SLC39A9: variants seen among roughly 807,000 people sequenced by gnomAD.
SLC39A9 encodes the protein solute carrier family 39 member 9.
In SLC39A9, 14 loss-of-function variants were observed where a neutral mutation model predicts 28.4. The observed-to-expected ratio is 0.49, with a 90% confidence interval of 0.33 to 0.77. The LOEUF is 0.77. Ranked by LOEUF, SLC39A9 falls within the 30% of genes least tolerant of loss-of-function variation. The pLI, the probability that SLC39A9 is intolerant of heterozygous loss-of-function variation, is 0.02. For synonymous variants in SLC39A9, 119 were observed against 149.6 expected, an observed-to-expected ratio of 0.80 and a Z score of 1.49; for missense variants, 283 against 381.1, an observed-to-expected ratio of 0.74 and a Z score of 2.14.
Position 69,399,478 on chromosome 14 carries a change from C to T in SLC39A9, c.96+13C>T, listed in dbSNP as rs1319595030. 2.5e-6 allele frequency: 4 copies of T among 1,609,158 alleles called. No homozygotes were observed. The highest frequency in any genetic ancestry group is 3.4e-6 in the Non-Finnish European group (4 of 1,175,870). ...TAATTTCTCAGAGGTAAGAAATTCT[C>T]AATTTTCTGTCAGCTGTCAGGATGG... On this transcript the variant is annotated intron_variant, in intron 1 of 6. Coordinates refer to ENST00000336643, the MANE Select transcript of SLC39A9 (RefSeq NM_018375.5).
Position 69,399,941 on chromosome 14 carries a change from T to C in SLC39A9, c.96+476T>C, listed in dbSNP as rs181351868. On this transcript the variant is annotated intron_variant, in intron 1 of 6. Transcript: ENST00000336643. Reference sequence around the variant, plus strand: ...ACCAGCCTGGGCAACGTGGCGGGACTTTGTCCCTACAAATGAGGCTGAGGC... The same window carrying C: ...ACCAGCCTGGGCAACGTGGCGGGACCTTGTCCCTACAAATGAGGCTGAGGC... 3.0e-3 allele frequency among the ~76,000 whole-genome samples: 463 copies of C among 152,152 alleles called. 4 individuals carry two copies. The highest frequency in any genetic ancestry group is 0.011 in the African/African-American group (451 of 41,518).
At chr14:69,442,910 G>T (rs989632079) in intron 3 of SLC39A9, among the ~76,000 whole-genome samples, 3 of 152,144 alleles carry the variant, frequency 2.0e-5, no homozygotes, top group African/African-American at 7.2e-5. Flanking sequence ...GGTTATTGGT[G>T]TAGAAAATCT....
intron 3 of SLC39A9, among the ~76,000 whole-genome samples, chr14:69,443,076 A>T (rs967582968): frequency 7.2e-5 from 11 of 152,170 alleles, no homozygotes; most frequent in Admixed American, 3.3e-4. Flanking sequence ...AGATCAATGA[A>T]TTTATCTTTG....
Position 69,461,570 on chromosome 14 carries a change from T to C in SLC39A9, c.*2977T>C. On this transcript the variant is annotated 3_prime_UTR_variant, in exon 7 of 7. Coordinates refer to ENST00000336643, the MANE Select transcript of SLC39A9 (RefSeq NM_018375.5). ...AGCCCTGTTCTGGTATTTTGAATCA[T>C]TAGAGAAAAGAAAGGGAGTGGCTGT... The C allele has an allele frequency of 4.0e-6, 6 of 1,497,178 alleles. No individual in the cohort carries two copies. The highest frequency in any genetic ancestry group is 5.3e-6 in the Non-Finnish European group (6 of 1,127,662). The allele number at this position is 1,497,178 out of a possible 1,614,324, so 92.7% of individuals were successfully genotyped here. A position where few individuals can be genotyped will look rare whatever the true frequency, so the allele number is the denominator to read the frequency against.
intron 4 of SLC39A9, among the ~76,000 whole-genome samples, chr14:69,453,898 CT>C (rs1239664045): frequency 6.6e-6 from 1 of 152,224 alleles, no homozygotes; most frequent in Non-Finnish European, 1.5e-5. Context: ...CAAATATTTA[CT>C]GTCTAGCTCT....
intron 2 of SLC39A9, among the ~76,000 whole-genome samples, chr14:69,437,218 C>T (rs1224610990): frequency 6.6e-6 from 1 of 152,060 alleles, no homozygotes; most frequent in Non-Finnish European, 1.5e-5. Flanking sequence ...TTTTAACTGC[C>T]TTTGTTGCCA....
intron 1 of SLC39A9, among the ~76,000 whole-genome samples, chr14:69,410,113 T>G (rs1448034690): frequency 6.6e-6 from 1 of 152,232 alleles, no homozygotes; most frequent in Non-Finnish European, 1.5e-5. Flanking sequence ...GATTTATATT[T>G]ATTTCTTTTA....
In SLC39A9 at chr14:69,399,250, C is replaced by A. The variant is rs1882485555; in HGVS notation, c.-120C>A. ...TGAACACATCTGCTGGTGGGAAGGC[C>A]TAAAGAACTGGAAAGCCCACTCTCT... On this transcript the variant is annotated 5_prime_UTR_variant, in exon 1 of 7. Coordinates refer to ENST00000336643, the MANE Select transcript of SLC39A9 (RefSeq NM_018375.5). The A allele has an allele frequency of 3.6e-6, 3 of 831,600 alleles. No individual in the cohort carries two copies. The highest frequency in any genetic ancestry group is 4.8e-5 in the Admixed American group (2 of 41,552). The allele number at this position is 831,600 out of a possible 1,614,324, so 51.5% of individuals were successfully genotyped here. A position where few individuals can be genotyped will look rare whatever the true frequency, so the allele number is the denominator to read the frequency against.
chr14:69,427,358 CTT>C (rs1209499191), intron 2 of SLC39A9, among the ~76,000 whole-genome samples: 1 of 152,118 alleles, frequency 6.6e-6, no homozygotes, highest in Non-Finnish European at 1.5e-5. Context: ...TTATAAGTCT[CTT>C]CTGAAAATAA....
Position 69,461,082 on chromosome 14 carries a change from T to A in SLC39A9, c.*2489T>A. 1 of 986,520 alleles carries A rather than the reference T, an allele frequency of 1.0e-6. No homozygotes were observed. The highest frequency in any genetic ancestry group is 1.2e-6 in the Non-Finnish European group (1 of 830,714). The allele number at this position is 986,520 out of a possible 1,614,324, so 61.1% of individuals were successfully genotyped here. On this transcript the variant is annotated 3_prime_UTR_variant, in exon 7 of 7. Transcript: ENST00000336643. ...TCTTTAGATGTGGATGCCTTAATGC[T>A]GTAACACATTTGAAAACATTGGCAA...
At chr14:69,443,206 A>T (rs1885129415) in intron 3 of SLC39A9, among the ~76,000 whole-genome samples, 1 of 152,356 alleles carries the variant, frequency 6.6e-6, no homozygotes, top group East Asian at 1.9e-4. Context: ...CCAGGGATTG[A>T]TGTGTAGACA....
chr14:69,441,919 G>A (rs909144562), intron 2 of SLC39A9, 150 bp from the exon 3 acceptor site: 37 of 1,412,198 alleles, frequency 2.6e-5, no homozygotes, highest in Non-Finnish European at 3.3e-5. Flanking sequence ...TTAAGTTGAA[G>A]GAGTTAATGA....
intron 4 of SLC39A9, among the ~76,000 whole-genome samples, chr14:69,453,522 TAAAA>T (rs760553500): frequency 4.6e-4 from 67 of 146,348 alleles, no homozygotes; most frequent in Non-Finnish European, 8.5e-4. Context: ...TTTAATGGTT[TAAAA>T]AAAAAAAGAG....
intron 3 of SLC39A9, among the ~76,000 whole-genome samples, chr14:69,449,146 C>T (rs1200205815): frequency 6.6e-6 from 1 of 151,966 alleles, no homozygotes; most frequent in African/African-American, 2.4e-5. Flanking sequence ...AAATTTTTTT[C>T]CATAGAGTTA....
At chr14:69,429,998 G>A (rs1347886336) in intron 2 of SLC39A9, among the ~76,000 whole-genome samples, 1 of 152,116 alleles carries the variant, frequency 6.6e-6, no homozygotes, top group African/African-American at 2.4e-5. Flanking sequence ...AATTGCCATT[G>A]TTATAGCTTC....
Position 69,437,003 on chromosome 14 carries a change from G to GACT in SLC39A9, c.206-5063_206-5061dup, listed in dbSNP as rs533372755. On this transcript the variant is annotated intron_variant, in intron 2 of 6. Coordinates refer to ENST00000336643, the MANE Select transcript of SLC39A9 (RefSeq NM_018375.5). ...CTGCCTCAGCCTCCCGAGTAGCTGGGACTACAGGTGCCTGCCACCACACCC... is the reference window on the plus strand; with the variant it reads ...CTGCCTCAGCCTCCCGAGTAGCTGGGACTACTACAGGTGCCTGCCACCACACCC... 2.1e-3 allele frequency among the ~76,000 whole-genome samples: 318 copies of GACT among 152,270 alleles called. 2 individuals carry two copies. Among genetic ancestry groups the GACT allele is most frequent in the African/African-American group, 7.4e-3 (306 of 41,558 alleles).
At chr14:69,412,470 A>G (rs1883329578) in intron 1 of SLC39A9, among the ~76,000 whole-genome samples, 1 of 152,150 alleles carries the variant, frequency 6.6e-6, no homozygotes, top group Non-Finnish European at 1.5e-5. Context: ...GAAACTATCA[A>G]TTCTGAATCA....
rs528383263 is a variant in SLC39A9 at position 69,459,372 on chromosome 14, T to C, written c.*779T>C. The C allele has an allele frequency of 2.0e-6, 2 of 985,386 alleles. No homozygotes were observed. The highest frequency in any genetic ancestry group is 9.4e-5 in the South Asian group (2 of 21,286). The allele number at this position is 985,386 out of a possible 1,614,324, so 61.0% of individuals were successfully genotyped here. Reference sequence around the variant, plus strand: ...CTTTGCAGAATACCTGTCTCCACATTCCTAGAGAGGAGCCAAGTTCTAGTA... The same window carrying C: ...CTTTGCAGAATACCTGTCTCCACATCCCTAGAGAGGAGCCAAGTTCTAGTA... On this transcript the variant is annotated 3_prime_UTR_variant, in exon 7 of 7. Transcript: ENST00000336643.
Position 69,461,990 on chromosome 14 carries a change from A to G in SLC39A9, c.*3397A>G. 2.8e-6 allele frequency: 1 copy of G among 363,226 alleles called. No homozygotes were observed. The highest frequency in any genetic ancestry group is 9.8e-5 in the South Asian group (1 of 10,240). The allele number at this position is 363,226 out of a possible 1,614,324, so 22.5% of individuals were successfully genotyped here. ...CACATCACCCAAAGTGCACTGTTGGAGATGCTGTGAAATTAAAACCTCTTT... is the reference window on the plus strand; with the variant it reads ...CACATCACCCAAAGTGCACTGTTGGGGATGCTGTGAAATTAAAACCTCTTT... On this transcript the variant is annotated 3_prime_UTR_variant, in exon 7 of 7. Transcript: ENST00000336643.
Sources: gnomAD v4.1 joint callset for allele counts (sites outside exome capture counted in the v4.1 genomes callset) on GRCh38, gnomAD v4.1.1 for gene constraint, MANE v1.5 for transcripts, NCBI Gene and HGNC (gene_info 2026-07-23, HGNC 2026-07-21) for gene names.